The following HHAT variants were observed in gnomAD, a reference collection of about 807,000 sequenced individuals.
HHAT encodes the protein hedgehog acyltransferase.
HHAT carries 47 observed loss-of-function variants against 70.8 expected under a neutral mutation model. That is an observed-to-expected ratio of 0.66 (90% CI 0.53 to 0.85). The LOEUF (loss-of-function observed/expected upper bound fraction) is 0.85, where lower values mean the gene tolerates loss of function less well. Among genes scored for constraint, HHAT ranks in the 40% least tolerant of loss-of-function variants. The probability of loss-of-function intolerance (pLI) is 0.00; values close to 1 mark genes in which losing one functional copy is unlikely to be tolerated. For synonymous variants in HHAT, 228 were observed against 247.6 expected, an observed-to-expected ratio of 0.92 and a Z score of 0.74; for missense variants, 609 against 604.8, an observed-to-expected ratio of 1.01 and a Z score of -0.07.
At chr1:210,488,225 A>G (rs1029550995) in intron 8 of HHAT, among the ~76,000 whole-genome samples, 1 of 152,170 alleles carries the variant, frequency 6.6e-6, no homozygotes. Context: ...TCCCCTGCAT[A>G]TCTGCATCAC....
intron 10 of HHAT, among the ~76,000 whole-genome samples, chr1:210,617,726 G>C (rs2148860767): frequency 6.6e-6 from 1 of 152,358 alleles, no homozygotes; most frequent in South Asian, 2.1e-4. Flanking sequence ...AAGGTAACTT[G>C]TCCAATTAAA....
At chr1:210,575,547 G>T (rs1012652811) in intron 9 of HHAT, among the ~76,000 whole-genome samples, 1 of 152,156 alleles carries the variant, frequency 6.6e-6, no homozygotes, top group African/African-American at 2.4e-5. Context: ...TCAAACAGAA[G>T]AAGAGGGTTA....
At chr1:210,372,693 T>G (rs1236834767) in intron 3 of HHAT, among the ~76,000 whole-genome samples, 1 of 152,130 alleles carries the variant, frequency 6.6e-6, no homozygotes, top group African/African-American at 2.4e-5. Context: ...CTAGTCTGAT[T>G]AGAGGATAGA....
intron 1 of HHAT, among the ~76,000 whole-genome samples, chr1:210,343,188 G>A (rs1184202956): frequency 3.3e-5 from 5 of 152,108 alleles, no homozygotes; most frequent in Admixed American, 1.3e-4. Context: ...TAGCAATAAC[G>A]TGAACCTGTG....
chr1:210,540,871 C>T (rs140135555), intron 9 of HHAT, among the ~76,000 whole-genome samples: 404 of 151,778 alleles, frequency 2.7e-3, no homozygotes, highest in Middle Eastern at 0.01. Context: ...CACAGTGTAT[C>T]GCTCTGTTGC....
intron 8 of HHAT, among the ~76,000 whole-genome samples, chr1:210,470,077 T>C (rs11119508): frequency 0.091 from 13,874 of 152,194 alleles, 684 homozygotes; most frequent in South Asian, 0.12. Flanking sequence ...ACTCCTGGCC[T>C]CAAGCAATCC....
chr1:210,431,636 A>G (rs954384448), intron 7 of HHAT, among the ~76,000 whole-genome samples: 2 of 151,718 alleles, frequency 1.3e-5, no homozygotes, highest in Admixed American at 6.6e-5. Flanking sequence ...TTCCCCCTTT[A>G]TGTACCTTGT....
intron 7 of HHAT, among the ~76,000 whole-genome samples, chr1:210,427,319 TTTGTTTATTTC>T (rs763758883): frequency 1.7e-4 from 26 of 152,112 alleles, no homozygotes; most frequent in Non-Finnish European, 3.4e-4. Context: ...CAGCTCTGAT[TTTGTTTATTTC>T]TTGTCTTCTG....
chr1:210,488,503 G>A (rs1046785319), intron 8 of HHAT, among the ~76,000 whole-genome samples: 14 of 152,132 alleles, frequency 9.2e-5, no homozygotes, highest in Admixed American at 2.6e-4. Flanking sequence ...ATGTTTTCCC[G>A]TTTTATTCAC....
At chr1:210,512,333 A>AC (rs905649864) in intron 8 of HHAT, among the ~76,000 whole-genome samples, 2 of 142,590 alleles carry the variant, frequency 1.4e-5, no homozygotes, top group Admixed American at 7.0e-5. Flanking sequence ...TCCCTGCCCC[A>AC]CCCCCCCTCA....
chr1:210,497,408 AAAAC>A (rs1381804621), intron 8 of HHAT, among the ~76,000 whole-genome samples: 1 of 152,228 alleles, frequency 6.6e-6, no homozygotes, highest in Non-Finnish European at 1.5e-5. Context: ...AGACCAGTAG[AAAAC>A]ACAACACAAA....
At chr1:210,508,684 C>A (rs562949431) in intron 8 of HHAT, among the ~76,000 whole-genome samples, 1 of 152,270 alleles carries the variant, frequency 6.6e-6, no homozygotes, top group Non-Finnish European at 1.5e-5. Flanking sequence ...AGATAGCTAT[C>A]ACTGGTTTTA....
upstream of HHAT, among the ~76,000 whole-genome samples, chr1:210,327,689 A>G (rs2084673864): frequency 6.6e-6 from 1 of 151,938 alleles, no homozygotes; most frequent in Non-Finnish European, 1.5e-5. Flanking sequence ...TATTTTTAGT[A>G]GAGACGGGGT....
intron 10 of HHAT, among the ~76,000 whole-genome samples, chr1:210,619,835 T>C (rs1432485986): frequency 1.3e-5 from 2 of 152,312 alleles, no homozygotes; most frequent in Non-Finnish European, 2.9e-5. Context: ...AGACCAGAGC[T>C]CTCTTTTATC....
Position 210,348,933 on chromosome 1 carries a change from A to G in HHAT, c.-43A>G. 6.2e-7 allele frequency: 1 copy of G among 1,604,198 alleles called. No individual in the cohort carries two copies. Among genetic ancestry groups the G allele is most frequent in the African/African-American group, 1.3e-5 (1 of 74,428 alleles). On this transcript the variant is annotated splice_region_variant and 5_prime_UTR_variant, in exon 2 of 12. Transcript: ENST00000261458. ...TTAAAGTTTTGTCTCTGTTTCTCAG[A>G]AACTCTCAGCGTAGGCATCGGGAAC...
At chr1:210,491,289 C>G (rs2148513596) in intron 8 of HHAT, among the ~76,000 whole-genome samples, 1 of 152,244 alleles carries the variant, frequency 6.6e-6, no homozygotes, top group Non-Finnish European at 1.5e-5. Flanking sequence ...GTCACAAATG[C>G]TGAGTGAAAT....
rs116751668 is a variant in HHAT at position 210,464,378 on chromosome 1, C to T, written c.857-127C>T. 1,224 of 856,668 alleles carry T rather than the reference C, an allele frequency of 1.4e-3. 14 individuals carry two copies. The African/African-American group carries it at 0.019, about 13-fold the overall frequency. 53.1% of individuals were successfully genotyped at this position (856,668 alleles called of 1,614,324 possible). A position where few individuals can be genotyped will look rare whatever the true frequency, so the allele number is the denominator to read the frequency against. On this transcript the variant is annotated intron_variant, in intron 7 of 11. Transcript: ENST00000261458. ...GTGTGGAATACTTTTGTGAAATGTG[C>T]GAGTTGAAGGGAGGAAGGGGTGTGG...
At chr1:210,528,403 C>G (rs1168608332) in intron 9 of HHAT, among the ~76,000 whole-genome samples, 1 of 152,202 alleles carries the variant, frequency 6.6e-6, no homozygotes, top group Non-Finnish European at 1.5e-5. Flanking sequence ...TTGTCCATGG[C>G]TGGGCCATGT....
chr1:210,489,888 G>A (rs2094525742), intron 8 of HHAT, among the ~76,000 whole-genome samples: 1 of 152,108 alleles, frequency 6.6e-6, no homozygotes. Context: ...CCAGTCCTTT[G>A]TGAAGGCCAT....
Sources: allele counts gnomAD v4.1 joint callset (sites outside exome capture counted in the v4.1 genomes callset), GRCh38; gene constraint gnomAD v4.1.1; transcripts MANE v1.5; gene names NCBI Gene and HGNC (gene_info 2026-07-23, HGNC 2026-07-21).